The following DHX8 variants were observed in gnomAD, a reference collection of about 807,000 sequenced individuals.
DHX8 encodes the protein ATP-dependent RNA helicase DHX8.
A neutral mutation model predicts 140.7 loss-of-function variants in DHX8; 67 were observed. The ratio of observed to expected loss-of-function variants is 0.48; its 90% CI spans 0.39 to 0.58. The LOEUF (loss-of-function observed/expected upper bound fraction) is 0.58. Ranked by LOEUF, DHX8 falls within the 20% of genes least tolerant of loss-of-function variation. The pLI is 0.00. For missense variants in DHX8, 887 were observed against 1,550.7 expected (o/e 0.57, Z 7.19); for synonymous variants, 533 against 553.2 (o/e 0.96, Z 0.51).
intron 2 of DHX8, chr17:43,532,637 TG>T (rs1292464181): frequency 1.9e-6 from 3 of 1,579,084 alleles, no homozygotes; most frequent in Non-Finnish European, 2.6e-6. Context: ...ACTGAACACT[TG>T]ATCACATGCC....
At chr17:43,493,622 G>C (rs922206110) in intron 7 of DHX8, 33 bp downstream of exon 7, 2 of 1,614,136 alleles carry the variant, frequency 1.2e-6, no homozygotes, top group Non-Finnish European at 1.7e-6. Flanking sequence ...TCTTACATGT[G>C]ATGGCCAAGG....
intron 3 of DHX8, among the ~76,000 whole-genome samples, chr17:43,537,777 G>A (rs547797533): frequency 3.9e-4 from 59 of 150,548 alleles, no homozygotes; most frequent in African/African-American, 1.3e-3. Context: ...GGCGGATCAC[G>A]AGGTCAGGAG....
intron 3 of DHX8, chr17:43,536,614 T>A (rs1455599454): frequency 2.9e-6 from 2 of 692,228 alleles, no homozygotes; most frequent in African/African-American, 1.8e-5. Flanking sequence ...GTCCACATTG[T>A]AAGAATTGTC....
chr17:43,499,572 T>C (rs1337899262), intron 10 of DHX8, among the ~76,000 whole-genome samples: 1 of 152,246 alleles, frequency 6.6e-6, no homozygotes, highest in African/African-American at 2.4e-5. Context: ...GAGATGGATC[T>C]GATCGCTAGT....
At chr17:43,490,913 T>TA (rs1968482070) in intron 3 of DHX8, among the ~76,000 whole-genome samples, 1 of 151,908 alleles carries the variant, frequency 6.6e-6, no homozygotes, top group South Asian at 2.1e-4. Context: ...TAAGACAAAA[T>TA]AAAAAAGATA....
rs567807523 is a variant in DHX8, at chr17:43,489,683, C to T, written c.234+149C>T. 2.4e-5 allele frequency: 13 copies of T among 538,390 alleles called. No individual in the cohort carries two copies. In the East Asian group the frequency reaches 4.0e-4, roughly 17 times the overall value. The allele number at this position is 538,390 out of a possible 1,614,324, so 33.4% of individuals were successfully genotyped here. On this transcript the variant is annotated intron_variant, in intron 2 of 22. Transcript: ENST00000262415. ...TCAGCTCACTGCAAGCTCCGCCTCC[C>T]GGGTTCACGCCATTCTCTTGCCTCA... is the stretch of plus-strand genomic sequence containing the variant.
chr17:43,518,004 T>C (rs1283021442), intron 18 of DHX8: 1 of 152,212 alleles, frequency 6.6e-6, no homozygotes, highest in Non-Finnish European at 1.5e-5. Flanking sequence ...CTCCAGTCTC[T>C]GAAGTGCCAA....
In DHX8 at chr17:43,525,025, G is replaced by A. The variant is rs534976197; in HGVS notation, c.*1178G>A. ...CCCAGGCTGCTCTCCAATCCCTGGC[G>A]TCAAGCAATCCTCCTGCCTCTGCCT... On this transcript the variant is annotated 3_prime_UTR_variant, in exon 23 of 23. Coordinates refer to ENST00000262415, the MANE Select transcript of DHX8 (RefSeq NM_004941.3). 224 of 984,934 alleles carry A rather than the reference G, an allele frequency of 2.3e-4. 1 individual carries two copies. Among genetic ancestry groups the A allele is most frequent in the Middle Eastern group, 5.2e-4 (1 of 1,914 alleles). 61.0% of individuals were successfully genotyped at this position (984,934 alleles called of 1,614,324 possible). A position where few individuals can be genotyped will look rare whatever the true frequency, so the allele number is the denominator to read the frequency against.
chr17:43,484,550 A>T (rs1025109682), intron 1 of DHX8, among the ~76,000 whole-genome samples: 1 of 152,176 alleles, frequency 6.6e-6, no homozygotes, highest in Non-Finnish European at 1.5e-5. Flanking sequence ...TGCGATGCTC[A>T]GCTCTTTATT....
chr17:43,523,599 G>T (rs1416846650), intron 22 of DHX8, 29 bp from the exon 23 acceptor site: 2 of 1,612,648 alleles, frequency 1.2e-6, no homozygotes, highest in East Asian at 4.5e-5. Flanking sequence ...ATATCCAGAG[G>T]CTTGAGTACT....
At chr17:43,492,583 G>A in intron 5 of DHX8, 98 bp from the exon 6 acceptor site, 1 of 711,892 alleles carries the variant, frequency 1.4e-6, no homozygotes, top group Non-Finnish European at 2.4e-6. Context: ...AACCTAGTGG[G>A]TACCTACCAT....
At chr17:43,523,441 G>T (rs1970485975) in intron 22 of DHX8, among the ~76,000 whole-genome samples, 187 bp from the exon 23 acceptor site, 1 of 152,220 alleles carries the variant, frequency 6.6e-6, no homozygotes. Flanking sequence ...CTTTCTTGTG[G>T]TTAGAGGTGT....
chr17:43,498,857 T>G lies in DHX8; in HGVS notation c.1301-5T>G, dbSNP rs1969026563. ...GGCTAATTCTTCTTTTGGGGGGACT[T>G]TTAGATGAGGACCTTGAGATTGAAT... On this transcript the variant is annotated splice_region_variant and splice_polypyrimidine_tract_variant and intron_variant, in intron 9 of 22. Transcript: ENST00000262415. The G allele has an allele frequency of 4.4e-6, 7 of 1,591,988 alleles. No individual in the cohort carries two copies. The highest frequency in any genetic ancestry group is 6.0e-6 in the Non-Finnish European group (7 of 1,172,098).
Position 43,504,728 on chromosome 17 carries a change from G to C in DHX8, c.1631G>C (p.Gly544Ala). Residue 544 changes from glycine (G) to alanine (A), a missense_variant, in exon 12 of 23, where the codon GGG (glycine) becomes GCG (alanine). Gly to Ala is a moderately conservative substitution (Grantham distance 60). Coordinates refer to ENST00000262415, the MANE Select transcript of DHX8 (RefSeq NM_004941.3). ...CCTGAGTGGAAGAAGCATGCCTTTG[G>C]GGGCAACAAAGCCTCTTACGGAAAA... ...DIPEWKKHAFGGNKASYGKKT... is the reference protein window; with the variant it reads ...DIPEWKKHAFAGNKASYGKKT... 6.2e-7 allele frequency: 1 copy of C among 1,614,108 alleles called. No individual in the cohort carries two copies. Among genetic ancestry groups the C allele is most frequent in the Non-Finnish European group, 8.5e-7 (1 of 1,180,028 alleles).
chr17:43,508,686 C>T (rs1037423243), intron 16 of DHX8, among the ~76,000 whole-genome samples, 166 bp downstream of exon 16: 1 of 150,718 alleles, frequency 6.6e-6, no homozygotes, highest in Non-Finnish European at 1.5e-5. Context: ...ATGGCACCAT[C>T]TCAGCTCACT....
intron 3 of DHX8, among the ~76,000 whole-genome samples, chr17:43,490,713 A>C (rs1968464279): frequency 6.6e-6 from 1 of 152,122 alleles, no homozygotes; most frequent in Non-Finnish European, 1.5e-5. Context: ...TCTCTACAAA[A>C]AAATAAAAAA....
chr17:43,536,485 G>A (rs1476779818), exon 3 of DHX8: 11 of 1,614,088 alleles, frequency 6.8e-6, no homozygotes, highest in Non-Finnish European at 6.8e-6. Context: ...CTGAGCTGCA[G>A]AGAGAAGTCA....
intron 21 of DHX8, 144 bp from the exon 22 acceptor site, chr17:43,521,903 C>G (rs1424585341): frequency 1.2e-6 from 1 of 829,040 alleles, no homozygotes; most frequent in Non-Finnish European, 1.9e-6. Flanking sequence ...CTGTGTAGAG[C>G]TGCCTCTGTA....
At chr17:43,491,397 T>C in intron 4 of DHX8, 147 bp downstream of exon 4, 1 of 425,986 alleles carries the variant, frequency 2.3e-6, no homozygotes, top group Non-Finnish European at 4.3e-6. Context: ...CCTGAGCATG[T>C]ACTATGTATT....
Sources: gnomAD v4.1 joint callset for allele counts (sites outside exome capture counted in the v4.1 genomes callset) on GRCh38, gnomAD v4.1.1 for gene constraint, MANE v1.5 for transcripts, NCBI Gene and HGNC (gene_info 2026-07-23, HGNC 2026-07-21) for gene names.